Variants in TBCK observed in about 807,000 individuals in gnomAD.
The protein encoded by TBCK is TBC domain-containing protein kinase-like protein.
In TBCK, 99 loss-of-function variants were observed where a neutral mutation model predicts 113.4. The observed-to-expected ratio is 0.87, with a 90% CI of 0.74 to 1.03. TBCK has a LOEUF of 1.03. Among genes scored for constraint, TBCK ranks in the 50% least tolerant of loss-of-function variants. TBCK has a pLI of 0.00. For synonymous variants in TBCK, 369 were observed against 370.8 expected (o/e 1.00, Z 0.05); for missense variants, 1,045 against 1,061.3 (o/e 0.98, Z 0.21).
At chr4:106,068,226 CAT>C (rs1443269220) in intron 25 of TBCK, among the ~76,000 whole-genome samples, 1 of 152,036 alleles carries the variant, frequency 6.6e-6, no homozygotes, top group Non-Finnish European at 1.5e-5. Context: ...TATGTATACA[CAT>C]GACAAGTTGG....
chr4:106,140,674 A>C (rs1056458644), intron 23 of TBCK, among the ~76,000 whole-genome samples: 2 of 140,880 alleles, frequency 1.4e-5, no homozygotes, highest in Admixed American at 7.0e-5. Context: ...ACTTTGGCTG[A>C]AAAATTTTCA....
At chr4:106,177,179 G>A (rs12511305) in intron 22 of TBCK, among the ~76,000 whole-genome samples, 28,284 of 151,580 alleles carry the variant, frequency 0.19, 2,663 homozygotes, top group South Asian at 0.25. Flanking sequence ...TCATCTACCC[G>A]TTTTTTAAAT....
At chr4:106,060,666 C>A (rs1269226101) in intron 25 of TBCK, among the ~76,000 whole-genome samples, 1 of 151,752 alleles carries the variant, frequency 6.6e-6, no homozygotes, top group Non-Finnish European at 1.5e-5. Context: ...ATGAAGGAGT[C>A]ATTTCAACCT....
chr4:106,246,271 T>A (rs1182869963), intron 10 of TBCK, among the ~76,000 whole-genome samples: 4 of 152,158 alleles, frequency 2.6e-5, no homozygotes, highest in African/African-American at 9.7e-5. Context: ...ATACAGTATG[T>A]GACACATACC....
chr4:106,118,642 T>TTAGCC (rs1166268317), intron 23 of TBCK, among the ~76,000 whole-genome samples: 1 of 152,200 alleles, frequency 6.6e-6, no homozygotes, highest in African/African-American at 2.4e-5. Flanking sequence ...AACTTTTTGA[T>TTAGCC]TAGCCCAGTT....
intron 25 of TBCK, among the ~76,000 whole-genome samples, chr4:106,063,416 T>G (rs1578784285): frequency 6.6e-6 from 1 of 152,124 alleles, no homozygotes; most frequent in South Asian, 2.1e-4. Context: ...CATATTAATC[T>G]GAAGAACTAG....
At chr4:106,126,814 C>A (rs1745271354) in intron 23 of TBCK, among the ~76,000 whole-genome samples, 1 of 152,018 alleles carries the variant, frequency 6.6e-6, no homozygotes, top group Non-Finnish European at 1.5e-5. Context: ...GTATGTCTGC[C>A]TCAATAATTT....
intron 3 of TBCK, among the ~76,000 whole-genome samples, chr4:106,280,828 T>C (rs909802210): frequency 1.3e-5 from 2 of 152,096 alleles, no homozygotes; most frequent in East Asian, 1.9e-4. Flanking sequence ...TTTTCGTTGC[T>C]CTGTAGTATA....
intron 23 of TBCK, among the ~76,000 whole-genome samples, chr4:106,142,096 C>A (rs1289699009): frequency 8.3e-6 from 1 of 119,910 alleles, no homozygotes; most frequent in East Asian, 2.3e-4. Context: ...ATTCAAATAT[C>A]CATTTGATAA....
Position 106,045,697 on chromosome 4 carries a change from CCTT to C in TBCK, c.*870_*872del, listed in dbSNP as rs920096589. ...TTCTTTCCTCCCTCCTTCTTTTGTT[CCTT>C]CTTTTCTCTTCATCCCCTCCCTCCT... On this transcript the variant is annotated 3_prime_UTR_variant, in exon 26 of 26. Transcript: ENST00000394708. 5 of 152,046 alleles carry C rather than the reference CCTT, an allele frequency of 3.3e-5. No homozygotes were observed. The highest frequency in any genetic ancestry group is 2.0e-4 in the Admixed American group (3 of 15,254). 9.4% of individuals were successfully genotyped at this position (152,046 alleles called of 1,614,324 possible).
intron 2 of TBCK, among the ~76,000 whole-genome samples, chr4:106,304,651 C>T (rs1767317310): frequency 6.6e-6 from 1 of 152,064 alleles, no homozygotes; most frequent in Non-Finnish European, 1.5e-5. Flanking sequence ...TTCCTTTCTC[C>T]CTGAAGAAAA....
At chr4:106,204,514 C>T (rs1755229059) in intron 20 of TBCK, among the ~76,000 whole-genome samples, 1 of 152,062 alleles carries the variant, frequency 6.6e-6, no homozygotes, top group South Asian at 2.1e-4. Flanking sequence ...CATGTTAGCA[C>T]AATTTAAGGC....
intron 22 of TBCK, among the ~76,000 whole-genome samples, chr4:106,186,207 T>C (rs1326801355): frequency 6.6e-6 from 1 of 152,196 alleles, no homozygotes; most frequent in Non-Finnish European, 1.5e-5. Flanking sequence ...CATGCATGTG[T>C]CTTTATGGCA....
intron 23 of TBCK, among the ~76,000 whole-genome samples, chr4:106,142,733 C>T (rs1747280289): frequency 6.6e-6 from 1 of 152,124 alleles, no homozygotes; most frequent in South Asian, 2.1e-4. Flanking sequence ...TGCAAGACCC[C>T]AGATCTTCAT....
intron 23 of TBCK, among the ~76,000 whole-genome samples, chr4:106,168,293 T>C (rs1381475717): frequency 6.6e-6 from 1 of 151,812 alleles, no homozygotes; most frequent in Admixed American, 6.6e-5. Context: ...AAATCCAACA[T>C]GCATTCATGA....
intron 23 of TBCK, among the ~76,000 whole-genome samples, chr4:106,167,054 TGAAA>T (rs939783846): frequency 2.7e-4 from 41 of 149,502 alleles, no homozygotes; most frequent in African/African-American, 7.1e-4. Context: ...CATAATAACT[TGAAA>T]GAAAGAGATA....
intron 12 of TBCK, 39 bp from the exon 13 acceptor site, chr4:106,236,847 T>C (rs1219074956): frequency 8.2e-7 from 1 of 1,223,384 alleles, no homozygotes; most frequent in Non-Finnish European, 1.1e-6. Flanking sequence ...TATAAACATA[T>C]TGGGCAGAAA....
chr4:106,089,137 G>A (rs926207296), intron 25 of TBCK, among the ~76,000 whole-genome samples: 3 of 151,960 alleles, frequency 2.0e-5, no homozygotes, highest in African/African-American at 7.3e-5. Context: ...TGAGGCCTCA[G>A]GAAGCTTACA....
At chr4:106,069,670 A>G (rs897292942) in intron 25 of TBCK, among the ~76,000 whole-genome samples, 2 of 152,066 alleles carry the variant, frequency 1.3e-5, no homozygotes, top group African/African-American at 2.4e-5. Flanking sequence ...AGTTTTTTCC[A>G]TTCTGTGAAG....
Sources: allele counts gnomAD v4.1 joint callset (sites outside exome capture counted in the v4.1 genomes callset), GRCh38; gene constraint gnomAD v4.1.1; transcripts MANE v1.5; gene names NCBI Gene and HGNC (gene_info 2026-07-23, HGNC 2026-07-21).